The following AFG2B variants were observed in gnomAD, a reference collection of about 807,000 sequenced individuals.
The protein encoded by AFG2B is AAA ATPase AFG2B, also known as ATPase family gene 2 protein homolog B.
the AFG2B span, among the ~76,000 whole-genome samples, chr15:45,411,141 G>T: frequency 6.6e-6 from 1 of 152,130 alleles, no homozygotes; most frequent in East Asian, 1.9e-4. Context: ...GGCAGAGGTT[G>T]CAGTGAGCCA....
chr15:45,402,357 C>A, the AFG2B span: 4 of 1,542,462 alleles, frequency 2.6e-6, no homozygotes, highest in Non-Finnish European at 2.6e-6. Context: ...GGCCTGCGAG[C>A]TCGGTGTTCC....
chr15:45,412,168 C>T, the AFG2B span, among the ~76,000 whole-genome samples: 92 of 152,012 alleles, frequency 6.1e-4, no homozygotes, highest in East Asian at 0.016. Flanking sequence ...TTTGGGAGGC[C>T]GAGGCAGGAG....
At chr15:45,407,283 C>T in the AFG2B span, 2 of 1,157,714 alleles carry the variant, frequency 1.7e-6, no homozygotes, top group South Asian at 3.3e-5. Context: ...CTACCTCTCC[C>T]TGTACCAGGG....
At chr15:45,419,671 A>G in the AFG2B span, among the ~76,000 whole-genome samples, 3 of 152,108 alleles carry the variant, frequency 2.0e-5, no homozygotes, top group South Asian at 6.2e-4. Flanking sequence ...TAAACACCCC[A>G]GAATCTTCCT....
At chr15:45,419,712 C>T in the AFG2B span, among the ~76,000 whole-genome samples, 1 of 151,924 alleles carries the variant, frequency 6.6e-6, no homozygotes, top group East Asian at 1.9e-4. Context: ...TGTCACCTAC[C>T]TTCTTCCAAA....
the AFG2B span, chr15:45,405,215 T>C: frequency 1.1e-5 from 12 of 1,124,816 alleles, no homozygotes; most frequent in Admixed American, 3.2e-4. Context: ...AGTGTCTGGT[T>C]GCTATCATTC....
chr15:45,405,613 C>T, the AFG2B span: 2 of 997,434 alleles, frequency 2.0e-6, no homozygotes, highest in Non-Finnish European at 2.9e-6. Context: ...CATTTGATAG[C>T]TTCCACAGCT....
chr15:45,406,193 CTG>C, the AFG2B span, among the ~76,000 whole-genome samples: 1 of 152,164 alleles, frequency 6.6e-6, no homozygotes, highest in East Asian at 1.9e-4. Context: ...GTCAGTTATT[CTG>C]TGGAATATTC....
At chr15:45,407,983 G>A in the AFG2B span, among the ~76,000 whole-genome samples, 2 of 152,192 alleles carry the variant, frequency 1.3e-5, no homozygotes, top group African/African-American at 4.8e-5. Flanking sequence ...TATTTGCTGA[G>A]TTGACCATTT....
chr15:45,406,833 C>T, the AFG2B span, among the ~76,000 whole-genome samples: 1 of 152,258 alleles, frequency 6.6e-6, no homozygotes, highest in African/African-American at 2.4e-5. Flanking sequence ...TCTACAGTTA[C>T]ACCGAAGGTG....
the AFG2B span, chr15:45,410,553 T>A: frequency 6.3e-7 from 1 of 1,581,568 alleles, no homozygotes; most frequent in Non-Finnish European, 8.6e-7. Flanking sequence ...ATCTACTTAA[T>A]CCAGTAGGAT....
chr15:45,407,006 T>G, the AFG2B span: 1 of 1,288,206 alleles, frequency 7.8e-7, no homozygotes, highest in Non-Finnish European at 1.0e-6. Flanking sequence ...AGATTTACAT[T>G]CAGGATTTCC....
At chr15:45,403,107 G>A in the AFG2B span, 4 of 1,518,332 alleles carry the variant, frequency 2.6e-6, no homozygotes, top group African/African-American at 2.8e-5. Context: ...CGCGCGCCCT[G>A]ACCGCGCTGG....
the AFG2B span, chr15:45,405,286 T>A: frequency 1.5e-5 from 22 of 1,437,490 alleles, no homozygotes; most frequent in African/African-American, 1.3e-4. Context: ...ACTATATACT[T>A]CTTCTTCTTT....
At chr15:45,407,543 A>T in the AFG2B span, among the ~76,000 whole-genome samples, 2 of 152,238 alleles carry the variant, frequency 1.3e-5, no homozygotes, top group Non-Finnish European at 2.9e-5. Context: ...CCAGTTAAAA[A>T]GGCTTTTTTT....
chr15:45,404,822 A>G, the AFG2B span, among the ~76,000 whole-genome samples: 101 of 147,282 alleles, frequency 6.9e-4, no homozygotes, highest in African/African-American at 2.5e-3. Flanking sequence ...AAAAAAAAAA[A>G]AGAAAAAAAA....
At chr15:45,420,952 A>G in the AFG2B span, 1 of 1,339,102 alleles carries the variant, frequency 7.5e-7, no homozygotes, top group Non-Finnish European at 1.0e-6. Context: ...AGATCGTGCC[A>G]CTGCACTCCA....
At chr15:45,417,522 T>G in the AFG2B span, 1 of 945,710 alleles carries the variant, frequency 1.1e-6, no homozygotes, top group Non-Finnish European at 1.5e-6. Context: ...TGGCCTTTCA[T>G]GACATCATAA....
the AFG2B span, chr15:45,421,375 T>G: frequency 2.9e-5 from 13 of 441,256 alleles, no homozygotes; most frequent in Admixed American, 5.8e-4. Flanking sequence ...GGCTCATTTA[T>G]TTTTAAAAGG....
Sources: gnomAD v4.1 joint callset for allele counts (sites outside exome capture counted in the v4.1 genomes callset) on GRCh38, gnomAD v4.1.1 for gene constraint, MANE v1.5 for transcripts, NCBI Gene and HGNC (gene_info 2026-07-23, HGNC 2026-07-21) for gene names.